Variants in GPR108 observed in about 807,000 individuals in gnomAD.
GPR108 encodes G protein-coupled receptor 108, also known as protein GPR108.
GPR108 carries 60 observed loss-of-function variants against 74.3 expected under a neutral mutation model. That is an observed-to-expected ratio of 0.81 (90% CI 0.66 to 1.00). The LOEUF is 1.00. Among genes scored for constraint, GPR108 ranks in the 50% least tolerant of loss-of-function variants. The pLI, the probability that GPR108 is intolerant of heterozygous loss-of-function variation, is 0.00. For synonymous variants in GPR108, 311 were observed against 292.4 expected (o/e 1.06, Z -0.65); for missense variants, 667 against 703.3 (o/e 0.95, Z 0.58).
At position 6,734,050 on chromosome 19, in the gene GPR108, C is replaced by A; in HGVS notation, c.504G>T (p.Gly168=). 6.2e-7 allele frequency: 1 copy of A among 1,614,100 alleles called. No homozygotes were observed. The highest frequency in any genetic ancestry group is 8.5e-7 in the Non-Finnish European group (1 of 1,180,016). ...ACTTGGGCTTGCTGGCTGCAGAGGT[C>A]CCTCCTGTAAGAGACCGGGCAGTGA... ...ATVPRKVDGG[G]TSAASKPKST... is the part of the protein sequence containing the mutation. The change falls in exon 6 of 18, where the codon GGG becomes GGT. Residue 168 remains glycine (G), a synonymous_variant. Coordinates refer to ENST00000264080, the MANE Select transcript of GPR108 (RefSeq NM_001080452.2).
At chr19:6,733,759 G>A in intron 7 of GPR108, 85 bp from the exon 8 acceptor site, 1 of 1,582,186 alleles carries the variant, frequency 6.3e-7, no homozygotes, top group Non-Finnish European at 8.7e-7. Flanking sequence ...CATGGTCTGG[G>A]GCGATGGTAG....
At position 6,730,513 on chromosome 19, in the gene GPR108, C is replaced by T. The variant is rs771225563; in HGVS notation, c.1560-129G>A. 814 of 735,316 alleles carry T rather than the reference C, an allele frequency of 1.1e-3. 2 individuals are homozygous for T. The highest frequency in any genetic ancestry group is 9.2e-4 in the Non-Finnish European group (389 of 422,074). 45.5% of individuals were successfully genotyped at this position (735,316 alleles called of 1,614,324 possible). On this transcript the variant is annotated intron_variant, in intron 17 of 17. Transcript: ENST00000264080. ...AGCCCTGGCCTTGCCCACTCTACCC[C>T]AGACTCACCCAGGCTGCACCCACCT...
chr19:6,735,903 C>T lies in GPR108; in HGVS notation c.291+5G>A, dbSNP rs536245881. On this transcript the variant is annotated splice_donor_5th_base_variant and intron_variant, in intron 3 of 17. Coordinates refer to ENST00000264080, the MANE Select transcript of GPR108 (RefSeq NM_001080452.2). ...TCTCCCGTCTTCCCCATGCCCTCCACTCACTGAATAGGAGCGAACTCTGCC... is the reference window on the plus strand; with the variant it reads ...TCTCCCGTCTTCCCCATGCCCTCCATTCACTGAATAGGAGCGAACTCTGCC... 1 of 1,611,564 alleles carries T rather than the reference C, an allele frequency of 6.2e-7. No individual in the cohort carries two copies. Among genetic ancestry groups the T allele is most frequent in the South Asian group, 1.1e-5 (1 of 90,562 alleles).
intron 17 of GPR108, 146 bp downstream of exon 17, chr19:6,730,841 T>A: frequency 1.6e-5 from 14 of 864,572 alleles, no homozygotes; most frequent in Non-Finnish European, 2.2e-5. Context: ...CCATCTCCCC[T>A]CCATCCCTTC....
At position 6,733,313 on chromosome 19, in the gene GPR108, G is replaced by A; in HGVS notation, c.724-12C>T. 2 of 1,611,034 alleles carry A rather than the reference G, an allele frequency of 1.2e-6. No homozygotes were observed. Among genetic ancestry groups the A allele is most frequent in the Middle Eastern group, 1.7e-4 (1 of 6,056 alleles). ...TCCCGGATCATCACCTGCGGAGGGG[G>A]CAGTGGTGGGCGGCGGCAGGGGCAC... On this transcript the variant is annotated splice_polypyrimidine_tract_variant and intron_variant, in intron 8 of 17. Coordinates refer to ENST00000264080, the MANE Select transcript of GPR108 (RefSeq NM_001080452.2).
chr19:6,731,962 G>A (rs371007628), intron 13 of GPR108, 28 bp from the exon 14 acceptor site: 19 of 1,613,204 alleles, frequency 1.2e-5, no homozygotes, highest in African/African-American at 9.3e-5. Context: ...CACAGGGTAC[G>A]GTCAGCGCGG....
chr19:6,732,925 G>A (rs1417316896), intron 10 of GPR108, 62 bp downstream of exon 10: 2 of 1,442,860 alleles, frequency 1.4e-6, no homozygotes, highest in Admixed American at 2.0e-5. Context: ...CAGAGATTTG[G>A]GGGATGGCCC....
At chr19:6,732,195 G>T (rs370736963) in intron 12 of GPR108, 40 bp from the exon 13 acceptor site, 91 of 1,612,214 alleles carry the variant, frequency 5.6e-5, no homozygotes, top group Middle Eastern at 1.6e-4. Flanking sequence ...TGCCTGGCAC[G>T]CTCCCCTTTG....
chr19:6,737,484 G>A lies in GPR108; in HGVS notation c.93C>T (p.Ser31=), dbSNP rs1213830827. Residue 31 remains serine (S), a synonymous_variant, in exon 1 of 18, where the codon TCC becomes TCT. Coordinates refer to ENST00000264080, the MANE Select transcript of GPR108 (RefSeq NM_001080452.2). The part of the protein sequence containing the change: ...LLLVLLLGGC[S]GRIHQLALTG... ...TCAGCGCCAGCTGGTGGATGCGCCC[G>A]GAGCAGCCACCCAGCAGCAGCACCA... 6.3e-7 allele frequency: 1 copy of A among 1,586,676 alleles called. No homozygotes were observed. The highest frequency in any genetic ancestry group is 1.1e-5 in the South Asian group (1 of 89,986).
rs754849173 is a variant in GPR108 at position 6,733,797 on chromosome 19, C to G, written c.618+48G>C. On this transcript the variant is annotated intron_variant, in intron 7 of 17. Coordinates refer to ENST00000264080, the MANE Select transcript of GPR108 (RefSeq NM_001080452.2). ...CTGCAGGAGGGCTCAGCTTGGGGGT[C>G]CCGTGCTCTGGGGTGACGGAAGGGC... 5.6e-6 allele frequency: 9 copies of G among 1,605,402 alleles called. No individual in the cohort carries two copies. In the South Asian group the frequency reaches 8.8e-5, roughly 16 times the overall value.
At position 6,731,028 on chromosome 19, in the gene GPR108, C is replaced by T. The variant is rs1230526169; in HGVS notation, c.1518G>A (p.Gln506=). 1 of 1,613,722 alleles carries T rather than the reference C, an allele frequency of 6.2e-7. No homozygotes were observed. The highest frequency in any genetic ancestry group is 8.5e-7 in the Non-Finnish European group (1 of 1,179,876). ...CATCCTCCTCGTCCTCCTGGGGCAG[C>T]TGCAGGTACGGGTTGTTTCCTGTGG... ...FQPTGNNPYL[Q]LPQEDEEDVQ... The change falls in exon 17 of 18, where the codon CAG becomes CAA. Residue 506 remains glutamine (Q), a synonymous_variant. Coordinates refer to ENST00000264080, the MANE Select transcript of GPR108 (RefSeq NM_001080452.2).
rs1369874435 is a variant in GPR108 at position 6,734,548 on chromosome 19, C to T, written c.375-241G>A. Among the ~76,000 whole-genome samples, 7 of 152,280 alleles carry T rather than the reference C, an allele frequency of 4.6e-5. No individual in the cohort carries two copies. In the East Asian group the frequency reaches 1.3e-3, roughly 29 times the overall value. Reference sequence around the variant, plus strand: ...CCCATGACATCAATCTACTCTTTTTCTCTTTTCTTTAGAGACAGGGTCTTG... The same window carrying T: ...CCCATGACATCAATCTACTCTTTTTTTCTTTTCTTTAGAGACAGGGTCTTG... On this transcript the variant is annotated intron_variant, in intron 4 of 17. Coordinates refer to ENST00000264080, the MANE Select transcript of GPR108 (RefSeq NM_001080452.2).
intron 2 of GPR108, among the ~76,000 whole-genome samples, chr19:6,736,248 C>G (rs1183079494): frequency 6.6e-6 from 1 of 152,174 alleles, no homozygotes; most frequent in Non-Finnish European, 1.5e-5. Context: ...GCACACCTCA[C>G]CACGCCCGGC....
At position 6,732,900 on chromosome 19, in the gene GPR108, C is replaced by G; in HGVS notation, c.933+87G>C. ...GGATAGCTGGCGGATGGCCCTCCCA[C>G]AGGCCCAGGGTCTGCAGAGATTTGG... On this transcript the variant is annotated intron_variant, in intron 10 of 17. Transcript: ENST00000264080. The G allele has an allele frequency of 2.4e-6, 3 of 1,250,726 alleles. No homozygotes were observed. In the Admixed American group the frequency reaches 6.8e-5, roughly 29 times the overall value. 77.5% of individuals were successfully genotyped at this position (1,250,726 alleles called of 1,614,324 possible).
At position 6,729,999 on chromosome 19, in the gene GPR108, A is replaced by G. The variant is rs1304411465; in HGVS notation, c.*313T>C. ...ACACACAGCGAAAACAGGTTTCTAC[A>G]TTGTAAACACAACCTCCGTGTAGAC... On this transcript the variant is annotated 3_prime_UTR_variant, in exon 18 of 18. Coordinates refer to ENST00000264080, the MANE Select transcript of GPR108 (RefSeq NM_001080452.2). 8.1e-6 allele frequency: 3 copies of G among 370,294 alleles called. No individual in the cohort carries two copies. The highest frequency in any genetic ancestry group is 1.5e-5 in the Non-Finnish European group (3 of 200,074). 22.9% of individuals were successfully genotyped at this position (370,294 alleles called of 1,614,324 possible).
rs750001441 is a variant in GPR108 at position 6,734,019 on chromosome 19, G to C, written c.535C>G (p.Pro179Ala). 21 of 1,614,218 alleles carry C rather than the reference G, an allele frequency of 1.3e-5. No individual in the cohort carries two copies. In the East Asian group the frequency reaches 4.7e-4, roughly 36 times the overall value. Residue 179 changes from proline to alanine, a missense_variant, in exon 6 of 18, where the codon CCC becomes GCC. By Grantham distance (27) the Pro-to-Ala change is conservative. Transcript: ENST00000264080. ...CTCCCCGAAACCTGAATCACTGCGGGTGTTGACTTGGGCTTGCTGGCTGCA... is the reference window on the plus strand; with the variant it reads ...CTCCCCGAAACCTGAATCACTGCGGCTGTTGACTTGGGCTTGCTGGCTGCA... ...TSAASKPKST[P>A]AVIQGPSGKD...
intron 1 of GPR108, 197 bp downstream of exon 1, chr19:6,737,260 A>C: frequency 1.5e-6 from 1 of 647,676 alleles, no homozygotes; most frequent in South Asian, 2.1e-5. Flanking sequence ...GACCCCAGCG[A>C]GGCGGACCCG....
At chr19:6,731,370 C>T in intron 15 of GPR108, 88 bp from the exon 16 acceptor site, 7 of 1,488,276 alleles carry the variant, frequency 4.7e-6, no homozygotes, top group Non-Finnish European at 6.3e-6. Flanking sequence ...GCTGGGGAGC[C>T]TGGATGGGGG....
At chr19:6,733,370 T>A in intron 8 of GPR108, 69 bp from the exon 9 acceptor site, 1 of 1,502,334 alleles carries the variant, frequency 6.7e-7, no homozygotes, top group Non-Finnish European at 9.1e-7. Flanking sequence ...GAGCAGCGAG[T>A]GGGGGTCTCC....
Sources: gnomAD v4.1 joint callset for allele counts (sites outside exome capture counted in the v4.1 genomes callset) on GRCh38, gnomAD v4.1.1 for gene constraint, MANE v1.5 for transcripts, NCBI Gene and HGNC (gene_info 2026-07-23, HGNC 2026-07-21) for gene names.